RPS6KA2: variants seen among roughly 807,000 people sequenced by gnomAD.
RPS6KA2 encodes the protein ribosomal protein S6 kinase alpha-2.
RPS6KA2 carries 42 observed loss-of-function variants against 91.8 expected under a neutral mutation model. The ratio of observed to expected loss-of-function variants is 0.46; its 90% CI spans 0.36 to 0.59. The LOEUF (loss-of-function observed/expected upper bound fraction) is 0.59. Among genes scored for constraint, RPS6KA2 ranks in the 20% least tolerant of loss-of-function variants. The pLI is 0.00. For synonymous variants in RPS6KA2, 414 were observed against 393.6 expected, an observed-to-expected ratio of 1.05 and a Z score of -0.61; for missense variants, 798 against 978.5, an observed-to-expected ratio of 0.82 and a Z score of 2.46.
At chr6:166,758,369 T>C (rs1013982180) in intron 2 of RPS6KA2, among the ~76,000 whole-genome samples, 6 of 152,222 alleles carry the variant, frequency 3.9e-5, no homozygotes, top group African/African-American at 1.4e-4. Flanking sequence ...CCTCTCTGGC[T>C]AACATAAACA....
chr6:166,506,213 C>A lies in RPS6KA2; in HGVS notation c.460-1601G>T, dbSNP rs1782219314. On this transcript the variant is annotated intron_variant, in intron 5 of 20. Coordinates refer to ENST00000265678, the MANE Select transcript of RPS6KA2 (RefSeq NM_021135.6). ...CCAAGGAAAAGACTTTCCGCAGGTTCCCAGCAACTCCACGAATCTGTGGTG... is the reference window on the plus strand; with the variant it reads ...CCAAGGAAAAGACTTTCCGCAGGTTACCAGCAACTCCACGAATCTGTGGTG... 3.3e-5 allele frequency among the ~76,000 whole-genome samples: 5 copies of A among 152,212 alleles called. No individual in the cohort carries two copies. In the South Asian group the frequency reaches 8.3e-4, roughly 25 times the overall value.
intron 2 of RPS6KA2, among the ~76,000 whole-genome samples, chr6:166,676,042 G>A (rs1323529777): frequency 1.3e-5 from 2 of 151,912 alleles, no homozygotes; most frequent in African/African-American, 4.8e-5. Context: ...GAGGCCGGGT[G>A]CGGTGGCTCA....
At chr6:166,820,075 C>T (rs1779866641) in intron 2 of RPS6KA2, among the ~76,000 whole-genome samples, 1 of 152,234 alleles carries the variant, frequency 6.6e-6, no homozygotes, top group African/African-American at 2.4e-5. Flanking sequence ...GTGCATTTTT[C>T]TGTCCATGAC....
chr6:166,755,382 T>C (rs1777981632), intron 2 of RPS6KA2, among the ~76,000 whole-genome samples: 1 of 152,214 alleles, frequency 6.6e-6, no homozygotes, highest in African/African-American at 2.4e-5. Flanking sequence ...CACTCCTTTA[T>C]ACGGTGAACT....
intron 2 of RPS6KA2, among the ~76,000 whole-genome samples, chr6:166,744,825 C>A (rs1350160284): frequency 2.6e-5 from 4 of 152,182 alleles, no homozygotes; most frequent in Middle Eastern, 3.2e-3. Context: ...CTAGAGGGAG[C>A]ACCCTCAGTA....
chr6:166,681,523 C>T lies in RPS6KA2; in HGVS notation c.124-142739G>A, dbSNP rs115220780. On this transcript the variant is annotated intron_variant, in intron 2 of 21. Coordinates refer to the RPS6KA2 transcript ENST00000503859. ...TGCAGCCACGGCTGACCAGTGTGAC[C>T]AGTGCTGATCGGTGGCCCCAGGAAG... is the stretch of plus-strand genomic sequence containing the variant. 4.2e-3 allele frequency among the ~76,000 whole-genome samples: 642 copies of T among 152,094 alleles called. 5 individuals carry two copies. The highest frequency in any genetic ancestry group is 0.015 in the African/African-American group (615 of 41,440).
chr6:166,736,829 G>A (rs1474291767), intron 2 of RPS6KA2, among the ~76,000 whole-genome samples: 4 of 152,198 alleles, frequency 2.6e-5, no homozygotes, highest in Non-Finnish European at 5.9e-5. Flanking sequence ...GAGGGAGCCC[G>A]AGAAGCCTTT....
chr6:166,473,168 A>G (rs1780835372), intron 10 of RPS6KA2, among the ~76,000 whole-genome samples: 1 of 151,784 alleles, frequency 6.6e-6, no homozygotes, highest in Admixed American at 6.6e-5. Flanking sequence ...ATCAATGACT[A>G]AAGTGCAGTG....
At chr6:166,645,635 C>A (rs536562866) in intron 2 of RPS6KA2, among the ~76,000 whole-genome samples, 1 of 152,244 alleles carries the variant, frequency 6.6e-6, no homozygotes, top group African/African-American at 2.4e-5. Context: ...ATGTGCCCCC[C>A]CTTCTCTGGA....
intron 2 of RPS6KA2, among the ~76,000 whole-genome samples, chr6:166,712,383 T>A (rs66549668): frequency 0.23 from 35,199 of 152,160 alleles, 4,257 homozygotes; most frequent in African/African-American, 0.3. Flanking sequence ...CAGATGGTTT[T>A]TTTCTTGACA....
chr6:166,609,014 A>G (rs1786059656), intron 1 of RPS6KA2, among the ~76,000 whole-genome samples: 1 of 152,132 alleles, frequency 6.6e-6, no homozygotes. Context: ...CCCCATCTCC[A>G]CTGCGGTTTG....
At chr6:166,656,116 C>T (rs561343907) in intron 2 of RPS6KA2, among the ~76,000 whole-genome samples, 6 of 152,234 alleles carry the variant, frequency 3.9e-5, no homozygotes, top group Non-Finnish European at 2.9e-5. Flanking sequence ...AAGAGAGACA[C>T]GGTGGAAGCT....
In RPS6KA2 at chr6:166,451,279, A is replaced by G. The variant is rs199534665; in HGVS notation, c.1076-46T>C. 1.8e-5 allele frequency: 29 copies of G among 1,607,718 alleles called. No homozygotes were observed. In the African/African-American group the frequency reaches 3.6e-4, roughly 20 times the overall value. ...GTTCAGATGCCACGAAAGCTGGGTGACCCTGGGGTGAAGTGATAGTGTGTG... is the reference window on the plus strand; with the variant it reads ...GTTCAGATGCCACGAAAGCTGGGTGGCCCTGGGGTGAAGTGATAGTGTGTG... On this transcript the variant is annotated intron_variant, in intron 12 of 20. Transcript: ENST00000265678.
intron 2 of RPS6KA2, among the ~76,000 whole-genome samples, chr6:166,751,415 GGTCTGC>G (rs1168965358): frequency 6.6e-6 from 1 of 152,262 alleles, no homozygotes; most frequent in Non-Finnish European, 1.5e-5. Context: ...GCTGGGCTGT[GGTCTGC>G]TCTGCAGCAG....
At chr6:166,743,028 A>G (rs1237777178) in intron 2 of RPS6KA2, among the ~76,000 whole-genome samples, 1 of 152,244 alleles carries the variant, frequency 6.6e-6, no homozygotes, top group African/African-American at 2.4e-5. Context: ...GCACTTCCCC[A>G]AAGACACTCT....
intron 5 of RPS6KA2, among the ~76,000 whole-genome samples, chr6:166,504,990 C>T (rs973652576): frequency 2.6e-5 from 4 of 152,182 alleles, no homozygotes; most frequent in African/African-American, 9.7e-5. Context: ...AAATGTAATA[C>T]AAGTAAGACG....
intron 2 of RPS6KA2, among the ~76,000 whole-genome samples, chr6:166,822,294 C>G (rs1779924083): frequency 6.6e-6 from 1 of 152,180 alleles, no homozygotes; most frequent in Non-Finnish European, 1.5e-5. Context: ...AGAGGTAAAT[C>G]AGCTAAGATG....
At chr6:166,621,202 C>T (rs1022502395) in intron 1 of RPS6KA2, among the ~76,000 whole-genome samples, 2 of 152,210 alleles carry the variant, frequency 1.3e-5, no homozygotes, top group Non-Finnish European at 2.9e-5. Context: ...CAAATGACTG[C>T]ATAACAACAG....
At chr6:166,692,746 C>T (rs774677433) in intron 2 of RPS6KA2, among the ~76,000 whole-genome samples, 12 of 152,168 alleles carry the variant, frequency 7.9e-5, no homozygotes, top group African/African-American at 1.2e-4. Flanking sequence ...CCAAACAACA[C>T]GGCAGGCTCC....
Sources: allele counts gnomAD v4.1 joint callset (sites outside exome capture counted in the v4.1 genomes callset), GRCh38; gene constraint gnomAD v4.1.1; transcripts MANE v1.5; gene names NCBI Gene and HGNC (gene_info 2026-07-23, HGNC 2026-07-21).